Variants in ZSWIM5 observed in about 807,000 individuals in gnomAD.
ZSWIM5 encodes the protein zinc finger SWIM domain-containing protein 5.
In ZSWIM5, 55 loss-of-function variants were observed where a neutral mutation model predicts 119.6. The observed-to-expected ratio is 0.46, with a 90% CI of 0.37 to 0.58. ZSWIM5 has a LOEUF of 0.58. Among genes scored for constraint, ZSWIM5 ranks in the 20% least tolerant of loss-of-function variants. The pLI is 0.00. For synonymous variants in ZSWIM5, 537 were observed against 606.9 expected (o/e 0.88, Z 1.69); for missense variants, 1,193 against 1,512.8 (o/e 0.79, Z 3.51).
rs949626851 is a variant in ZSWIM5 at position 45,076,805 on chromosome 1, G to A, written c.952+11076C>T. Among the ~76,000 whole-genome samples the A allele has an allele frequency of 3.3e-5, 5 of 150,442 alleles. No homozygotes were observed. The East Asian group carries it at 5.9e-4, about 18-fold the overall frequency. On this transcript the variant is annotated intron_variant, in intron 2 of 13. Coordinates refer to ENST00000359600, the MANE Select transcript of ZSWIM5 (RefSeq NM_020883.2). ...TATCACTCATTTTATTCTTTTTTTC[G>A]TCTCCTCTGACTGTGAATTTTCAAA...
At chr1:45,151,820 T>C (rs1017215270) in intron 1 of ZSWIM5, among the ~76,000 whole-genome samples, 2 of 152,186 alleles carry the variant, frequency 1.3e-5, no homozygotes, top group African/African-American at 4.8e-5. Context: ...AGCATATAAT[T>C]GTTAAGTTTT....
chr1:45,111,271 A>C (rs929159813), intron 1 of ZSWIM5, among the ~76,000 whole-genome samples: 4 of 152,222 alleles, frequency 2.6e-5, no homozygotes, highest in Non-Finnish European at 5.9e-5. Flanking sequence ...GAGTAAGTTA[A>C]AAACACAAAG....
chr1:45,038,332 C>T (rs1297166246), intron 8 of ZSWIM5, among the ~76,000 whole-genome samples: 1 of 152,146 alleles, frequency 6.6e-6, no homozygotes, highest in Non-Finnish European at 1.5e-5. Context: ...AGGTTCTCGC[C>T]TCTGACTGCT....
chr1:45,034,131 C>A (rs1271913382), intron 11 of ZSWIM5, among the ~76,000 whole-genome samples, 181 bp downstream of exon 11: 2 of 152,184 alleles, frequency 1.3e-5, no homozygotes, highest in African/African-American at 2.4e-5. Context: ...GGATTACAGG[C>A]GTAAGCCACC....
chr1:45,045,606 T>A (rs908286600), intron 5 of ZSWIM5, among the ~76,000 whole-genome samples: 4 of 152,190 alleles, frequency 2.6e-5, no homozygotes, highest in Non-Finnish European at 5.9e-5. Context: ...ACAATGACTC[T>A]TCTACTGGCT....
intron 1 of ZSWIM5, among the ~76,000 whole-genome samples, chr1:45,198,939 A>G (rs1157433980): frequency 1.3e-5 from 2 of 152,106 alleles, no homozygotes; most frequent in Non-Finnish European, 2.9e-5. Flanking sequence ...ATCCCCTTAT[A>G]CACTTTCATT....
intron 1 of ZSWIM5, among the ~76,000 whole-genome samples, chr1:45,120,076 G>T (rs1195419582): frequency 6.6e-6 from 1 of 152,186 alleles, no homozygotes; most frequent in Admixed American, 6.5e-5. Context: ...AGGCGCAACT[G>T]CTCACACCTG....
Position 45,057,016 on chromosome 1 carries a change from C to T in ZSWIM5, c.1252+1593G>A, listed in dbSNP as rs186282957. 4.3e-4 allele frequency among the ~76,000 whole-genome samples: 66 copies of T among 152,254 alleles called. No individual in the cohort carries two copies. In the East Asian group the frequency reaches 9.5e-3, roughly 22 times the overall value. ...TAGGCCTTGTGATCTGTAAGGAGCC[C>T]TAAGAATAGCTAGGGGAGCCCTTAG... On this transcript the variant is annotated intron_variant, in intron 4 of 13. Transcript: ENST00000359600. This position sits in a 1 kb window ranked among gnomAD's most constrained non-coding sequence, Gnocchi z 4.7.
rs891782832 is a variant in ZSWIM5, at chr1:45,019,467, G to A, written c.2696-151C>T. On this transcript the variant is annotated intron_variant, in intron 13 of 13. Coordinates refer to ENST00000359600, the MANE Select transcript of ZSWIM5 (RefSeq NM_020883.2). The surrounding 1 kb of genome is among the most constrained non-coding windows in gnomAD (Gnocchi z 5.0). ...GATATGAGGCAAACCAGGGCAAGGG[G>A]AGCATCCCAGATGGCCAGACCCTGT... 2.2e-4 allele frequency: 227 copies of A among 1,027,750 alleles called. 1 individual carries two copies. The highest frequency in any genetic ancestry group is 2.5e-4 in the Non-Finnish European group (183 of 725,120). The allele number at this position is 1,027,750 out of a possible 1,614,324, so 63.7% of individuals were successfully genotyped here. A position where few individuals can be genotyped will look rare whatever the true frequency, so the allele number is the denominator to read the frequency against.
chr1:45,099,808 T>A (rs559153525), intron 1 of ZSWIM5, among the ~76,000 whole-genome samples: 9 of 152,282 alleles, frequency 5.9e-5, no homozygotes, highest in East Asian at 5.8e-4. Context: ...CACATGTTTA[T>A]CTCAATAGAT....
At chr1:45,116,229 T>G (rs1029525020) in intron 1 of ZSWIM5, among the ~76,000 whole-genome samples, 2 of 131,074 alleles carry the variant, frequency 1.5e-5, no homozygotes, top group African/African-American at 2.5e-5. Flanking sequence ...GCAATGAGTT[T>G]CATTGCTTTC....
chr1:45,049,379 C>T (rs1054389441), intron 5 of ZSWIM5, among the ~76,000 whole-genome samples: 1 of 152,084 alleles, frequency 6.6e-6, no homozygotes, highest in Admixed American at 6.5e-5. Flanking sequence ...GCTTCTCCAG[C>T]CCCAAAGGTA....
chr1:45,137,055 T>G (rs1009746714), intron 1 of ZSWIM5, among the ~76,000 whole-genome samples: 2 of 152,160 alleles, frequency 1.3e-5, no homozygotes, highest in African/African-American at 2.4e-5. Flanking sequence ...AAATTCTCAT[T>G]GCCTTGGTAC....
At chr1:45,085,817 G>A (rs1169671148) in intron 2 of ZSWIM5, among the ~76,000 whole-genome samples, 1 of 152,154 alleles carries the variant, frequency 6.6e-6, no homozygotes, top group African/African-American at 2.4e-5. Flanking sequence ...TCTCTAGGAA[G>A]CTCCAAACTT....
chr1:45,155,584 C>T (rs991980844), intron 1 of ZSWIM5, among the ~76,000 whole-genome samples: 13 of 152,156 alleles, frequency 8.5e-5, no homozygotes, highest in African/African-American at 1.9e-4. Context: ...TGCATGTTTA[C>T]GGCAGCGCTA....
At chr1:45,089,390 G>T (rs75130595) in intron 1 of ZSWIM5, among the ~76,000 whole-genome samples, 3,141 of 152,194 alleles carry the variant, frequency 0.021, 116 homozygotes, top group African/African-American at 0.072. Context: ...GAACTGCTAG[G>T]CCTAGGGATG....
intron 5 of ZSWIM5, among the ~76,000 whole-genome samples, chr1:45,044,816 TATATAA>T (rs1557746642): frequency 0.46 from 3,263 of 7,170 alleles, 1,274 homozygotes; most frequent in Non-Finnish European, 0.57. Context: ...TATATATATA[TATATAA>T]ATATATATAT....
rs982678534 is a variant in ZSWIM5, at chr1:45,088,642, T to C, written c.596-405A>G. On this transcript the variant is annotated intron_variant, in intron 1 of 13. Transcript: ENST00000359600. This position sits in a 1 kb window ranked among gnomAD's most constrained non-coding sequence, Gnocchi z 4.2. The stretch of plus-strand genomic sequence containing the variant: ...GGCAAAGACAAGTCTACAAATAATA[T>C]CTGTATAATCTAGAGTAAGGTAGAT... 6.6e-6 allele frequency among the ~76,000 whole-genome samples: 1 copy of C among 152,082 alleles called. No homozygotes were observed. Among genetic ancestry groups the C allele is most frequent in the Admixed American group, 6.6e-5 (1 of 15,254 alleles).
At chr1:45,153,574 A>G (rs547355587) in intron 1 of ZSWIM5, among the ~76,000 whole-genome samples, 2 of 152,210 alleles carry the variant, frequency 1.3e-5, no homozygotes, top group Admixed American at 6.5e-5. Flanking sequence ...TATATATCCA[A>G]AAGAAAATAA....
Sources: allele counts gnomAD v4.1 joint callset (sites outside exome capture counted in the v4.1 genomes callset), GRCh38; gene constraint gnomAD v4.1.1; non-coding constraint Gnocchi (gnomAD v3.1); transcripts MANE v1.5; gene names NCBI Gene and HGNC (gene_info 2026-07-23, HGNC 2026-07-21).